The following DAB1 variants were observed in gnomAD, a reference collection of about 807,000 sequenced individuals.
The protein encoded by DAB1 is disabled homolog 1.
Under a neutral mutation model 64.6 loss-of-function variants are expected in DAB1, and 15 were observed. The observed-to-expected ratio is 0.23, with a 90% CI of 0.16 to 0.36. The LOEUF is 0.36. Ranked by LOEUF, DAB1 falls within the 10% of genes least tolerant of loss-of-function variation. The pLI, the probability that DAB1 is intolerant of heterozygous loss-of-function variation, is 1.00. For synonymous variants in DAB1, 235 were observed against 251.9 expected, an observed-to-expected ratio of 0.93 and a Z score of 0.64; for missense variants, 596 against 706.7, an observed-to-expected ratio of 0.84 and a Z score of 1.78.
chr1:57,823,036 G>C (rs1324324213), downstream of DAB1, among the ~76,000 whole-genome samples: 1 of 147,156 alleles, frequency 6.8e-6, no homozygotes, highest in Non-Finnish European at 1.5e-5. Context: ...CCAGGCTGGA[G>C]TGCAGTGGCG....
At chr1:57,470,416 GC>G (rs1334590856) in intron 7 of DAB1, among the ~76,000 whole-genome samples, 4 of 152,178 alleles carry the variant, frequency 2.6e-5, no homozygotes, top group African/African-American at 9.7e-5. Context: ...TGTTTGTAAA[GC>G]AAAATCCTAC....
chr1:58,275,043 T>C (rs771555541), intron 4 of DAB1, among the ~76,000 whole-genome samples: 10 of 152,214 alleles, frequency 6.6e-5, no homozygotes, highest in Non-Finnish European at 1.0e-4. Context: ...TATACTCAAA[T>C]GATTTTTAAC....
At chr1:57,647,273 C>T (rs1037003331) in intron 7 of DAB1, among the ~76,000 whole-genome samples, 1 of 152,124 alleles carries the variant, frequency 6.6e-6, no homozygotes, top group Non-Finnish European at 1.5e-5. Flanking sequence ...CTTCAAACAT[C>T]GCCTCCACTA....
chr1:57,141,126 G>A (rs1658553740), intron 3 of DAB1, among the ~76,000 whole-genome samples: 1 of 152,108 alleles, frequency 6.6e-6, no homozygotes, highest in Admixed American at 6.5e-5. Flanking sequence ...TCCATTCTCA[G>A]TTCTAGCTAG....
chr1:58,333,479 G>A (rs548709775), intron 4 of DAB1, among the ~76,000 whole-genome samples: 2 of 152,330 alleles, frequency 1.3e-5, no homozygotes, highest in African/African-American at 4.8e-5. Flanking sequence ...CATGAAGTCT[G>A]GAAGAAAAGA....
chr1:57,833,178 C>T (rs1457742448), intron 1 of DAB1, among the ~76,000 whole-genome samples: 4 of 151,768 alleles, frequency 2.6e-5, no homozygotes, highest in Non-Finnish European at 2.9e-5. Context: ...TGCCTATTAT[C>T]GGTGGTGAAT....
chr1:58,256,859 C>G (rs948908576), intron 4 of DAB1, among the ~76,000 whole-genome samples: 2 of 152,216 alleles, frequency 1.3e-5, no homozygotes, highest in Non-Finnish European at 2.9e-5. Context: ...ACAAATTGAT[C>G]TCCCCCACCT....
chr1:57,581,899 T>C (rs1645317740), intron 7 of DAB1, among the ~76,000 whole-genome samples: 1 of 152,168 alleles, frequency 6.6e-6, no homozygotes, highest in Admixed American at 6.5e-5. Context: ...TACCATAGAC[T>C]GGGCAGCTTA....
chr1:57,695,653 A>G (rs539267187), intron 6 of DAB1, among the ~76,000 whole-genome samples: 1 of 152,282 alleles, frequency 6.6e-6, no homozygotes, highest in South Asian at 2.1e-4. Context: ...TAATCCCAGC[A>G]CTTGGGGAGG....
intron 5 of DAB1, among the ~76,000 whole-genome samples, chr1:58,019,874 A>C (rs896066404): frequency 2.0e-5 from 3 of 152,170 alleles, no homozygotes; most frequent in African/African-American, 7.2e-5. Context: ...CTATTCTGAG[A>C]ATCAAGTAAT....
chr1:57,893,484 C>G (rs1414729055), intron 5 of DAB1, among the ~76,000 whole-genome samples: 2 of 152,118 alleles, frequency 1.3e-5, no homozygotes, highest in Non-Finnish European at 2.9e-5. Context: ...GCCTGGCCAT[C>G]AGGATACAGT....
Position 56,995,026 on chromosome 1 carries a change from T to C in DAB1, c.*3118A>G, listed in dbSNP as rs1196441335. On this transcript the variant is annotated 3_prime_UTR_variant, in exon 15 of 15. Transcript: ENST00000371236. ...ATGTGTCAGAACGCAGAAATTGAAA[T>C]GAACCAAACCCACAGAGTAAACATT... 3 of 152,180 alleles carry C rather than the reference T, an allele frequency of 2.0e-5. No individual in the cohort carries two copies. Among genetic ancestry groups the C allele is most frequent in the Non-Finnish European group, 4.4e-5 (3 of 68,034 alleles). The allele number at this position is 152,180 out of a possible 1,614,324, so 9.4% of individuals were successfully genotyped here.
intron 4 of DAB1, among the ~76,000 whole-genome samples, chr1:58,315,432 C>A (rs1170496569): frequency 1.3e-5 from 2 of 152,142 alleles, no homozygotes; most frequent in South Asian, 4.2e-4. Flanking sequence ...TGTGTGTTTT[C>A]AGTTTTTGGT....
intron 5 of DAB1, among the ~76,000 whole-genome samples, chr1:57,975,157 G>A (rs1292766180): frequency 6.6e-6 from 1 of 152,152 alleles, no homozygotes; most frequent in African/African-American, 2.4e-5. Context: ...GACATAATGA[G>A]AGGACAACCA....
At position 58,212,840 on chromosome 1, in the gene DAB1, T is replaced by G. The variant is rs186511350; in HGVS notation, n.310-62252A>C. Among the ~76,000 whole-genome samples, 65 of 152,282 alleles carry G rather than the reference T, an allele frequency of 4.3e-4. 1 individual carries two copies. Among genetic ancestry groups the G allele is most frequent in the Non-Finnish European group, 7.6e-4 (52 of 68,030 alleles). ...GATTCAAGTTCCATTTGGGAACACA[T>G]CAGCTGGTTGTTAAAAACTTTTAGT... On this transcript the variant is annotated intron_variant and non_coding_transcript_variant, in intron 4 of 20. Transcript: ENST00000485760.
At chr1:58,192,819 T>C (rs764496277) in intron 4 of DAB1, among the ~76,000 whole-genome samples, 3 of 152,198 alleles carry the variant, frequency 2.0e-5, no homozygotes, top group Non-Finnish European at 2.9e-5. Context: ...TTTGGGTATA[T>C]ACCCAGTAGT....
intron 2 of DAB1, among the ~76,000 whole-genome samples, chr1:57,267,176 G>A (rs1670649728): frequency 6.6e-6 from 1 of 152,068 alleles, no homozygotes; most frequent in African/African-American, 2.4e-5. Context: ...AAGGCTACGT[G>A]AAGGCAGAGC....
At chr1:57,883,147 A>T (rs999851082) in intron 1 of DAB1, among the ~76,000 whole-genome samples, 1 of 152,174 alleles carries the variant, frequency 6.6e-6, no homozygotes, top group African/African-American at 2.4e-5. Flanking sequence ...GTTTTCTTTG[A>T]TATCCAGGTC....
At chr1:57,879,145 T>A (rs1452990275) in intron 1 of DAB1, among the ~76,000 whole-genome samples, 1 of 152,184 alleles carries the variant, frequency 6.6e-6, no homozygotes, top group Non-Finnish European at 1.5e-5. Flanking sequence ...AGTGCAGACA[T>A]CTCTTCATCT....
Sources: gnomAD v4.1 joint callset for allele counts (sites outside exome capture counted in the v4.1 genomes callset) on GRCh38, gnomAD v4.1.1 for gene constraint, MANE v1.5 for transcripts, NCBI Gene and HGNC (gene_info 2026-07-23, HGNC 2026-07-21) for gene names.